The following MCFD2 variants were observed in gnomAD, a reference collection of about 807,000 sequenced individuals.
MCFD2 encodes multiple coagulation factor deficiency protein 2.
A neutral mutation model predicts 12.8 loss-of-function variants in MCFD2; 11 were observed. That is an observed-to-expected ratio of 0.86 (90% confidence interval 0.54 to 1.42). The LOEUF is 1.42. Ranked by LOEUF, MCFD2 falls within the 40% of genes most tolerant of loss-of-function variation. The probability of loss-of-function intolerance (pLI) is 0.00; values close to 1 mark genes in which losing one functional copy is unlikely to be tolerated. For synonymous variants in MCFD2, 70 were observed against 68.1 expected, an observed-to-expected ratio of 1.03 and a Z score of -0.14; for missense variants, 191 against 178.6, an observed-to-expected ratio of 1.07 and a Z score of -0.40.
At chr2:46,924,236 C>CAA (rs754779483) in intron 1 of MCFD2, among the ~76,000 whole-genome samples, 2 of 142,572 alleles carry the variant, frequency 1.4e-5, no homozygotes, top group South Asian at 2.2e-4. Flanking sequence ...CTAAAGGAAC[C>CAA]AAAAAAAAAA....
At chr2:46,939,754 C>T (rs950427473) in intron 1 of MCFD2, among the ~76,000 whole-genome samples, 5 of 152,194 alleles carry the variant, frequency 3.3e-5, no homozygotes, top group South Asian at 2.1e-4. Context: ...CTAATCCAAC[C>T]GCTCTCTCCA....
At chr2:46,928,459 TAAAAAAAAAAAAA>T (rs35897582) in intron 1 of MCFD2, among the ~76,000 whole-genome samples, 1 of 81,976 alleles carries the variant, frequency 1.2e-5, no homozygotes, top group African/African-American at 3.8e-5. Context: ...AAAGGGAAAT[TAAAAAAAAAAAAA>T]AAAAAAAAAA....
upstream of MCFD2, among the ~76,000 whole-genome samples, chr2:46,917,846 G>T (rs538125581): frequency 3.3e-5 from 5 of 152,092 alleles, no homozygotes; most frequent in African/African-American, 7.2e-5. Context: ...TTCTTCTCTT[G>T]TTTTCTGACA....
intron 1 of MCFD2, among the ~76,000 whole-genome samples, chr2:46,929,331 T>C (rs932149053): frequency 2.0e-5 from 3 of 151,890 alleles, no homozygotes; most frequent in African/African-American, 7.3e-5. Context: ...TAGGAAAAAT[T>C]TAAAAACTAC....
At position 46,938,840 on chromosome 2, in the gene MCFD2, G is replaced by A. The variant is rs1361495817; in HGVS notation, c.-8+2732C>T. ...CAGCCTGGCCAACATAGTGAAACCC[G>A]TCTCTACTAAAAATACAAAAATTAG... On this transcript the variant is annotated intron_variant, in intron 1 of 2. Transcript: ENST00000409147. Among the ~76,000 whole-genome samples, 7 of 151,548 alleles carry A rather than the reference G, an allele frequency of 4.6e-5. No homozygotes were observed. The South Asian group carries it at 6.3e-4, about 14-fold the overall frequency.
At chr2:46,919,155 A>G (rs1668970033), upstream of MCFD2, among the ~76,000 whole-genome samples, 1 of 152,216 alleles carries the variant, frequency 6.6e-6, no homozygotes, top group Admixed American at 6.5e-5. Flanking sequence ...TTCAATTTAC[A>G]CCTTTTAGTA....
chr2:46,906,769 T>C (rs925699591), intron 3 of MCFD2: 1 of 152,436 alleles, frequency 6.6e-6, no homozygotes, highest in Non-Finnish European at 1.5e-5. Flanking sequence ...ATAATAGGCA[T>C]GAGCCACTGT....
At chr2:46,915,829 A>G (rs1271500100), upstream of MCFD2, 2 of 145,608 alleles carry the variant, frequency 1.4e-5, no homozygotes, top group African/African-American at 4.0e-5. Flanking sequence ...CCCCCCCCCG[A>G]CCTGCCCTGC....
upstream of MCFD2, among the ~76,000 whole-genome samples, chr2:46,918,402 T>C (rs142740520): frequency 3.3e-3 from 507 of 152,356 alleles, 4 homozygotes; most frequent in African/African-American, 0.011. Flanking sequence ...GCTGCTGGAC[T>C]ACTTGAGAGA....
At position 46,903,078 on chromosome 2, in the gene MCFD2, C is replaced by G. The variant is rs1668076745; in HGVS notation, c.*2385G>C. 1 of 152,226 alleles carries G rather than the reference C, an allele frequency of 6.6e-6. No homozygotes were observed. The highest frequency in any genetic ancestry group is 2.4e-5 in the African/African-American group (1 of 41,452). The allele number at this position is 152,226 out of a possible 1,614,324, so 9.4% of individuals were successfully genotyped here. On this transcript the variant is annotated 3_prime_UTR_variant, in exon 4 of 4. Coordinates refer to ENST00000319466, the MANE Select transcript of MCFD2 (RefSeq NM_139279.6). ...CCCAGAATTCCCACGTGTTGTGGGA[C>G]AGACCCAGGGGGAGGTAATTGAATC...
At chr2:46,938,984 C>G (rs1396294543) in intron 1 of MCFD2, among the ~76,000 whole-genome samples, 2 of 148,308 alleles carry the variant, frequency 1.3e-5, no homozygotes, top group Admixed American at 6.8e-5. Context: ...GCATTCCAGC[C>G]TGGGCAACAG....
chr2:46,939,471 T>C (rs1473440486), intron 1 of MCFD2, among the ~76,000 whole-genome samples: 1 of 152,074 alleles, frequency 6.6e-6, no homozygotes, highest in Non-Finnish European at 1.5e-5. Flanking sequence ...TGAAGACTGT[T>C]CCTCCCCACA....
At chr2:46,932,538 C>T (rs1669759616) in intron 1 of MCFD2, among the ~76,000 whole-genome samples, 1 of 151,656 alleles carries the variant, frequency 6.6e-6, no homozygotes, top group East Asian at 1.9e-4. Flanking sequence ...TGTTATTTTA[C>T]ACAACAAAAA....
At position 46,924,236 on chromosome 2, in the gene MCFD2, C is replaced by CA. The variant is rs754779483; in HGVS notation, c.-7-16268dup. Among the ~76,000 whole-genome samples the CA allele has an allele frequency of 4.6e-4, 65 of 142,592 alleles. 1 individual carries two copies. Among genetic ancestry groups the CA allele is most frequent in the South Asian group, 8.9e-4 (4 of 4,494 alleles). 93.5% of individuals were successfully genotyped at this position (142,592 alleles called of 152,430 possible). A position where few individuals can be genotyped will look rare whatever the true frequency, so the allele number is the denominator to read the frequency against. On this transcript the variant is annotated intron_variant, in intron 1 of 2. Transcript: ENST00000409147. ...AAAAAAAAAACCCAACTAAAGGAAC[C>CA]AAAAAAAAAAAATCTCAAAGTCCCT...
chr2:46,915,187 G>C (rs1197900652), intron 1 of MCFD2, among the ~76,000 whole-genome samples: 1 of 152,242 alleles, frequency 6.6e-6, no homozygotes, highest in Non-Finnish European at 1.5e-5. Flanking sequence ...GAGAATGAAC[G>C]TATCCAAGAC....
chr2:46,908,922 G>A lies in MCFD2; in HGVS notation c.149+101C>T, dbSNP rs1225543910. The A allele has an allele frequency of 2.7e-6, 4 of 1,454,974 alleles. No individual in the cohort carries two copies. The East Asian group carries it at 9.1e-5, about 33-fold the overall frequency. 90.1% of individuals were successfully genotyped at this position (1,454,974 alleles called of 1,614,324 possible). Reference sequence around the variant, plus strand: ...CCTTGAAGAATGTCAAGGAGCCATAGAAACAGGAAGAAGGAAAGGAGGACT... The same window carrying A: ...CCTTGAAGAATGTCAAGGAGCCATAAAAACAGGAAGAAGGAAAGGAGGACT... On this transcript the variant is annotated intron_variant, in intron 2 of 3. Coordinates refer to ENST00000319466, the MANE Select transcript of MCFD2 (RefSeq NM_139279.6). The surrounding 1 kb of genome is among the most constrained non-coding windows in gnomAD (Gnocchi z 4.5).
chr2:46,925,986 A>C (rs1669362551), intron 1 of MCFD2, among the ~76,000 whole-genome samples: 1 of 152,196 alleles, frequency 6.6e-6, no homozygotes, highest in African/African-American at 2.4e-5. Context: ...ATCAGACTTA[A>C]CCTGGAAAGT....
chr2:46,925,333 G>A (rs772544236), intron 1 of MCFD2, among the ~76,000 whole-genome samples: 4 of 152,100 alleles, frequency 2.6e-5, no homozygotes, highest in Non-Finnish European at 5.9e-5. Context: ...TAAGGTGGGC[G>A]GATCACTTGA....
At position 46,907,679 on chromosome 2, in the gene MCFD2, G is replaced by C. The variant is rs571131739; in HGVS notation, c.309+131C>G. Reference sequence around the variant, plus strand: ...CCCAAAGTGCTGGGATTACAGATGCGAGCCATCATGCCCAGTGGAGAAGCA... The same window carrying C: ...CCCAAAGTGCTGGGATTACAGATGCCAGCCATCATGCCCAGTGGAGAAGCA... On this transcript the variant is annotated intron_variant, in intron 3 of 3. Coordinates refer to ENST00000319466, the MANE Select transcript of MCFD2 (RefSeq NM_139279.6). This position sits in a 1 kb window ranked among gnomAD's most constrained non-coding sequence, Gnocchi z 4.1. The C allele has an allele frequency of 5.0e-6, 5 of 1,006,898 alleles. No homozygotes were observed. Among genetic ancestry groups the C allele is most frequent in the African/African-American group, 4.8e-5 (3 of 63,142 alleles). The allele number at this position is 1,006,898 out of a possible 1,614,324, so 62.4% of individuals were successfully genotyped here. A position where few individuals can be genotyped will look rare whatever the true frequency, so the allele number is the denominator to read the frequency against.
Sources: gnomAD v4.1 joint callset for allele counts (sites outside exome capture counted in the v4.1 genomes callset) on GRCh38, gnomAD v4.1.1 for gene constraint, Gnocchi (gnomAD v3.1) non-coding constraint, MANE v1.5 for transcripts, NCBI Gene and HGNC (gene_info 2026-07-23, HGNC 2026-07-21) for gene names.